ANO2: variants seen among roughly 807,000 people sequenced by gnomAD.
ANO2 encodes anoctamin-2.
In ANO2, 101 loss-of-function variants were observed where a neutral mutation model predicts 124.2. The ratio of observed to expected loss-of-function variants is 0.81; its 90% CI spans 0.69 to 0.96. The LOEUF is 0.96. Ranked by LOEUF, ANO2 falls within the 40% of genes least tolerant of loss-of-function variation. ANO2 has a pLI of 0.00. For missense variants in ANO2, 1,293 were observed against 1,274.5 expected (o/e 1.01, Z -0.22); for synonymous variants, 486 against 482.5 (o/e 1.01, Z -0.09).
rs114412293 is a variant in ANO2, at chr12:5,804,651, A to G, written c.990+1401T>C. 5.4e-3 allele frequency among the ~76,000 whole-genome samples: 816 copies of G among 152,314 alleles called. 11 individuals are homozygous for G. The highest frequency in any genetic ancestry group is 0.019 in the African/African-American group (782 of 41,566). ...ATCAGCCAAAGAGAAACATTTTCTG[A>G]TGGGAAAATTTTTTGTTAAAAGGCA... On this transcript the variant is annotated intron_variant, in intron 9 of 24. Coordinates refer to ENST00000682330, the MANE Select transcript of ANO2 (RefSeq NM_001364791.2).
At chr12:5,711,157 C>CAAAA (rs200477878) in intron 14 of ANO2, among the ~76,000 whole-genome samples, 1 of 92,824 alleles carries the variant, frequency 1.1e-5, no homozygotes. Context: ...GACTCTGTCT[C>CAAAA]AAAAAAAAAA....
chr12:5,921,318 G>C lies in ANO2; in HGVS notation c.256C>G (p.Arg86Gly), dbSNP rs749466572. Residue 86 changes from arginine (R) to glycine (G), a missense_variant, in exon 3 of 25, where the codon CGT becomes GGT. Coordinates refer to ENST00000682330, the MANE Select transcript of ANO2 (RefSeq NM_001364791.2). The part of the protein sequence containing the change: ...DANEPVSLEA[R>G]LSRMHFHDSQ... The stretch of plus-strand genomic sequence containing the variant: ...TCATGGAAGTGCATGCGGCTAAGAC[G>C]GGCCTCCAAGGACACAGGCTCATTG... 1.9e-6 allele frequency: 3 copies of C among 1,613,940 alleles called. No individual in the cohort carries two copies. The East Asian group carries it at 6.7e-5, about 36-fold the overall frequency.
intron 10 of ANO2, among the ~76,000 whole-genome samples, chr12:5,770,134 C>T (rs1336794422): frequency 1.3e-5 from 2 of 152,154 alleles, no homozygotes; most frequent in Non-Finnish European, 2.9e-5. Flanking sequence ...ACTACTAGGC[C>T]ACATGACAGA....
At position 5,697,981 on chromosome 12, in the gene ANO2, C is replaced by A. The variant is rs538820625; in HGVS notation, c.1545+34539G>T. Among the ~76,000 whole-genome samples the A allele has an allele frequency of 7.9e-5, 12 of 152,346 alleles. No homozygotes were observed. The South Asian group carries it at 2.5e-3, about 32-fold the overall frequency. On this transcript the variant is annotated intron_variant, in intron 14 of 24. Coordinates refer to ENST00000682330, the MANE Select transcript of ANO2 (RefSeq NM_001364791.2). ...GGAAGCTCAAACTGGGTGGAGCTCA[C>A]CACAGCTCAAGGAGGCCTGCCTGCC...
At chr12:5,610,250 T>C (rs1294901499) in intron 19 of ANO2, among the ~76,000 whole-genome samples, 4 of 125,770 alleles carry the variant, frequency 3.2e-5, no homozygotes, top group African/African-American at 1.3e-4. Flanking sequence ...TAAATGCATA[T>C]ATTTATACAT....
At chr12:5,578,031 C>G in intron 21 of ANO2, 24 bp from the exon 22 acceptor site, 1 of 1,611,966 alleles carries the variant, frequency 6.2e-7, no homozygotes, top group Non-Finnish European at 8.5e-7. Flanking sequence ...AAGACAGCGT[C>G]TGGCTCACTC....
chr12:5,715,845 A>C (rs898509942), intron 14 of ANO2, among the ~76,000 whole-genome samples: 3 of 152,220 alleles, frequency 2.0e-5, no homozygotes, highest in African/African-American at 7.2e-5. Context: ...TGCTCCTGAA[A>C]TAGCCCAGAA....
intron 3 of ANO2, among the ~76,000 whole-genome samples, chr12:5,867,772 T>C (rs1310139206): frequency 6.4e-5 from 5 of 78,158 alleles, no homozygotes; most frequent in East Asian, 3.0e-4. Context: ...GACCTAGCAC[T>C]ATAATGAAAA....
At chr12:5,717,979 G>A (rs904573245) in intron 14 of ANO2, among the ~76,000 whole-genome samples, 3 of 152,172 alleles carry the variant, frequency 2.0e-5, no homozygotes, top group African/African-American at 7.2e-5. Context: ...TTTCTTTCCA[G>A]TAAGGTTTGG....
intron 11 of ANO2, among the ~76,000 whole-genome samples, chr12:5,746,707 T>C (rs1003650141): frequency 2.6e-5 from 4 of 152,342 alleles, no homozygotes; most frequent in Non-Finnish European, 2.9e-5. Flanking sequence ...GGGTAAATCA[T>C]TGCTCATGGA....
chr12:5,791,407 G>A (rs1482371201), intron 10 of ANO2, among the ~76,000 whole-genome samples: 1 of 152,166 alleles, frequency 6.6e-6, no homozygotes, highest in Admixed American at 6.5e-5. Flanking sequence ...GCACAAAGAG[G>A]GATGTTCATA....
chr12:5,864,793 C>A (rs918768702), intron 3 of ANO2, among the ~76,000 whole-genome samples: 1 of 152,162 alleles, frequency 6.6e-6, no homozygotes, highest in Non-Finnish European at 1.5e-5. Flanking sequence ...GCTAGACAAG[C>A]AAATCACAGG....
intron 3 of ANO2, among the ~76,000 whole-genome samples, chr12:5,855,941 T>C (rs1955084724): frequency 6.6e-6 from 1 of 152,116 alleles, no homozygotes; most frequent in Non-Finnish European, 1.5e-5. Context: ...AATGAAACCT[T>C]CCCAATCCCA....
In ANO2 at chr12:5,578,223, C is replaced by T. The variant is rs552046775; in HGVS notation, c.2386+143G>A. 1.2e-4 allele frequency: 150 copies of T among 1,288,634 alleles called. No homozygotes were observed. In the African/African-American group the frequency reaches 1.9e-3, roughly 16 times the overall value. 79.8% of individuals were successfully genotyped at this position (1,288,634 alleles called of 1,614,324 possible). On this transcript the variant is annotated intron_variant, in intron 21 of 24. Transcript: ENST00000682330. ...AAAGCGGTCTCAGAAGGCGTCCCTG[C>T]ACTTCAGGATATGAGGATGAGGGAC...
intron 1 of ANO2, among the ~76,000 whole-genome samples, chr12:5,930,440 G>A (rs929272635): frequency 6.6e-6 from 1 of 152,136 alleles, no homozygotes; most frequent in African/African-American, 2.4e-5. Flanking sequence ...GGGAGATGAA[G>A]TGGTCCAGAC....
chr12:5,667,341 G>A (rs1179613113), intron 14 of ANO2, among the ~76,000 whole-genome samples: 2 of 152,102 alleles, frequency 1.3e-5, no homozygotes, highest in African/African-American at 4.8e-5. Flanking sequence ...AAACTTCAGT[G>A]TTAATATTGA....
chr12:5,799,603 G>A (rs1375595255), intron 9 of ANO2, 32 bp from the exon 10 acceptor site: 3 of 1,594,960 alleles, frequency 1.9e-6, no homozygotes, highest in Non-Finnish European at 2.6e-6. Flanking sequence ...ACAGGTTAGA[G>A]GTAGAGATGG....
intron 14 of ANO2, among the ~76,000 whole-genome samples, chr12:5,704,865 A>C (rs934692093): frequency 6.6e-6 from 1 of 152,340 alleles, no homozygotes; most frequent in Non-Finnish European, 1.5e-5. Context: ...TTATAACAAG[A>C]ATTATCTGAA....
At chr12:5,824,111 G>A (rs57032837) in intron 7 of ANO2, among the ~76,000 whole-genome samples, 1 of 152,174 alleles carries the variant, frequency 6.6e-6, no homozygotes, top group Non-Finnish European at 1.5e-5. Context: ...TCTGTGATGG[G>A]AGAAGCTGCT....
Sources: allele counts gnomAD v4.1 joint callset (sites outside exome capture counted in the v4.1 genomes callset), GRCh38; gene constraint gnomAD v4.1.1; transcripts MANE v1.5; gene names NCBI Gene and HGNC (gene_info 2026-07-23, HGNC 2026-07-21).